The following HSPA12A variants were observed in gnomAD, a reference collection of about 807,000 sequenced individuals.
HSPA12A encodes the protein heat shock protein family A (Hsp70) member 12A.
In HSPA12A, 28 loss-of-function variants were observed where a neutral mutation model predicts 69.2. The ratio of observed to expected loss-of-function variants is 0.40; its 90% CI spans 0.30 to 0.55. The LOEUF (loss-of-function observed/expected upper bound fraction) is 0.55, where lower values mean the gene tolerates loss of function less well. Ranked by LOEUF, HSPA12A falls within the 20% of genes least tolerant of loss-of-function variation. HSPA12A has a pLI of 0.38. For missense variants in HSPA12A, 686 were observed against 900.7 expected (o/e 0.76, Z 3.05); for synonymous variants, 345 against 370.5 (o/e 0.93, Z 0.79).
chr10:116,717,639 AC>A (rs1850647673), intron 1 of HSPA12A, among the ~76,000 whole-genome samples: 1 of 152,174 alleles, frequency 6.6e-6, no homozygotes, highest in Non-Finnish European at 1.5e-5. Flanking sequence ...AGCACCCGAT[AC>A]ATTATGGATG....
chr10:116,844,139 C>T (rs1845844014), intron 1 of HSPA12A, among the ~76,000 whole-genome samples: 2 of 152,184 alleles, frequency 1.3e-5, no homozygotes, highest in South Asian at 4.1e-4. Context: ...AATACATGGA[C>T]ACTGGTGTCA....
chr10:116,675,500 G>A lies in HSPA12A; in HGVS notation c.1391-82C>T, dbSNP rs1554877595. Reference sequence around the variant, plus strand: ...GAACTGGGCTGCCTGCATCTGTGGGGAACGGATAAAGCCACTTGGGCCACT... The same window carrying A: ...GAACTGGGCTGCCTGCATCTGTGGGAAACGGATAAAGCCACTTGGGCCACT... On this transcript the variant is annotated intron_variant, in intron 11 of 11. Transcript: ENST00000369209. This position sits in a 1 kb window ranked among gnomAD's most constrained non-coding sequence, Gnocchi z 5.2. 1.3e-5 allele frequency: 18 copies of A among 1,437,404 alleles called. No individual in the cohort carries two copies. The South Asian group carries it at 1.9e-4, about 15-fold the overall frequency. 89.0% of individuals were successfully genotyped at this position (1,437,404 alleles called of 1,614,324 possible). A position where few individuals can be genotyped will look rare whatever the true frequency, so the allele number is the denominator to read the frequency against.
intron 2 of HSPA12A, among the ~76,000 whole-genome samples, chr10:116,762,686 C>T (rs142799582): frequency 3.9e-5 from 6 of 152,312 alleles, no homozygotes; most frequent in African/African-American, 7.2e-5. Context: ...TGGGTTCAAG[C>T]GATTCTTCTG....
At position 116,705,174 on chromosome 10, in the gene HSPA12A, C is replaced by A. The variant is rs1554882213; in HGVS notation, c.231G>T (p.Glu77Asp). Residue 77 changes from glutamate to aspartate, a missense_variant, in exon 3 of 12, where the codon GAG becomes GAT. By Grantham distance (45) the Glu-to-Asp change is conservative. Coordinates refer to ENST00000369209, the MANE Select transcript of HSPA12A (RefSeq NM_025015.3). ...ACCTCATCACATGGATGCATTCCGG[C>A]TCCTTGGTGAAGCTGTAGGCATAGC... ...SSGYAYSFTK[E>D]PECIHVMRRW... 1 of 1,614,216 alleles carries A rather than the reference C, an allele frequency of 6.2e-7. No individual in the cohort carries two copies. Among genetic ancestry groups the A allele is most frequent in the Admixed American group, 1.7e-5 (1 of 60,026 alleles).
chr10:116,841,354 T>C (rs780521656), intron 1 of HSPA12A, among the ~76,000 whole-genome samples: 4 of 152,222 alleles, frequency 2.6e-5, no homozygotes, highest in East Asian at 1.9e-4. Context: ...CAAGTATTAA[T>C]GGAAACGTTT....
At chr10:116,698,593 C>A in intron 5 of HSPA12A, 42 bp downstream of exon 5, 1 of 1,518,862 alleles carries the variant, frequency 6.6e-7, no homozygotes, top group Non-Finnish European at 9.1e-7. Context: ...ACGGGTGCCA[C>A]CGCCTAGCAC....
At chr10:116,694,925 A>C (rs1471608408) in intron 5 of HSPA12A, among the ~76,000 whole-genome samples, 1 of 151,878 alleles carries the variant, frequency 6.6e-6, no homozygotes, top group African/African-American at 2.4e-5. Context: ...CACCTTCCCG[A>C]ACACCACCCA....
At chr10:116,773,069 T>C (rs55865193) in intron 2 of HSPA12A, among the ~76,000 whole-genome samples, 12,544 of 152,170 alleles carry the variant, frequency 0.082, 1,467 homozygotes, top group African/African-American at 0.26. Context: ...ACTAAAAGTC[T>C]GGGTGAGCCA....
At chr10:116,702,447 G>T (rs1005918099) in intron 3 of HSPA12A, among the ~76,000 whole-genome samples, 1 of 152,164 alleles carries the variant, frequency 6.6e-6, no homozygotes, top group Admixed American at 6.5e-5. Context: ...GCATCAGTAG[G>T]ACCATCTCAG....
intron 2 of HSPA12A, among the ~76,000 whole-genome samples, chr10:116,824,139 C>T (rs1296673767): frequency 1.3e-5 from 2 of 152,148 alleles, no homozygotes; most frequent in Non-Finnish European, 2.9e-5. Flanking sequence ...CAAATGTCCA[C>T]TAAGTATCTG....
intron 2 of HSPA12A, among the ~76,000 whole-genome samples, chr10:116,802,168 T>C (rs1844971417): frequency 6.6e-6 from 1 of 152,140 alleles, no homozygotes; most frequent in South Asian, 2.1e-4. Flanking sequence ...ACCAAGTGTA[T>C]ATGGGGTGTT....
upstream of HSPA12A, among the ~76,000 whole-genome samples, chr10:116,747,057 C>T (rs528675347): frequency 2.6e-5 from 4 of 152,348 alleles, no homozygotes; most frequent in Admixed American, 6.5e-5. Flanking sequence ...CCTTGACCTC[C>T]AACTGTCAGT....
intron 2 of HSPA12A, among the ~76,000 whole-genome samples, chr10:116,787,567 G>A (rs569356099): frequency 2.0e-5 from 3 of 152,030 alleles, no homozygotes; most frequent in South Asian, 2.1e-4. Flanking sequence ...ACAGGCGTCT[G>A]TATTTTTATA....
At chr10:116,837,579 CCT>C (rs903214618) in intron 1 of HSPA12A, among the ~76,000 whole-genome samples, 3 of 152,120 alleles carry the variant, frequency 2.0e-5, no homozygotes, top group Non-Finnish European at 4.4e-5. Flanking sequence ...GCAGCTAAAC[CCT>C]CTGAAAGGTC....
chr10:116,850,422 T>C (rs1480339328), upstream of HSPA12A, among the ~76,000 whole-genome samples: 2 of 152,104 alleles, frequency 1.3e-5, no homozygotes, highest in Non-Finnish European at 2.9e-5. Context: ...TCCGGGTCTC[T>C]GCCCAGCCCT....
At chr10:116,699,851 T>C (rs1246565579) in intron 4 of HSPA12A, among the ~76,000 whole-genome samples, 2 of 152,258 alleles carry the variant, frequency 1.3e-5, no homozygotes, top group Non-Finnish European at 2.9e-5. Context: ...GAACTTGGTC[T>C]GCACCATAGA....
Position 116,750,138 on chromosome 10 carries a change from C to G in HSPA12A, c.92-42853G>C. The G allele has an allele frequency of 1.9e-5, 11 of 587,012 alleles. 1 individual carries two copies. In the South Asian group the frequency reaches 2.1e-4, roughly 11 times the overall value. The allele number at this position is 587,012 out of a possible 1,614,324, so 36.4% of individuals were successfully genotyped here. On this transcript the variant is annotated intron_variant, in intron 2 of 12. Coordinates refer to the HSPA12A transcript ENST00000635765. ...GATATGATAATGTGTGTACCTTATG[C>G]TCATGAGCTACCAAAACATGGTGTG...
intron 6 of HSPA12A, among the ~76,000 whole-genome samples, chr10:116,688,842 C>G (rs1554879796): frequency 1.3e-5 from 2 of 152,186 alleles, no homozygotes; most frequent in African/African-American, 4.8e-5. Flanking sequence ...ATAAACTGGA[C>G]TATTTCCTAT....
chr10:116,778,922 G>C (rs1255763798), intron 2 of HSPA12A, among the ~76,000 whole-genome samples: 1 of 152,244 alleles, frequency 6.6e-6, no homozygotes, highest in East Asian at 1.9e-4. Flanking sequence ...GAGATGGAAC[G>C]ACCCTGTCTC....
Sources: allele counts gnomAD v4.1 joint callset (sites outside exome capture counted in the v4.1 genomes callset), GRCh38; gene constraint gnomAD v4.1.1; non-coding constraint Gnocchi (gnomAD v3.1); transcripts MANE v1.5; gene names NCBI Gene and HGNC (gene_info 2026-07-23, HGNC 2026-07-21).